Variants in CSMD1 observed in about 807,000 individuals in gnomAD.
The protein encoded by CSMD1 is CUB and Sushi multiple domains 1.
In CSMD1, 213 loss-of-function variants were observed where a neutral mutation model predicts 417.5. The observed-to-expected ratio is 0.51, with a 90% CI of 0.46 to 0.57. The LOEUF (loss-of-function observed/expected upper bound fraction) is 0.57, where lower values mean the gene tolerates loss of function less well. Among genes scored for constraint, CSMD1 ranks in the 20% least tolerant of loss-of-function variants. CSMD1 has a pLI of 0.00. For synonymous variants in CSMD1, 2,862 were observed against 1,736.8 expected (o/e 1.65, Z -16.11); for missense variants, 6,923 against 4,529.7 (o/e 1.53, Z -15.17).
chr8:4,010,524 T>C (rs774763683), intron 4 of CSMD1, among the ~76,000 whole-genome samples: 7 of 152,102 alleles, frequency 4.6e-5, no homozygotes, highest in Non-Finnish European at 1.0e-4. Flanking sequence ...GCCATCACCA[T>C]TCCCATCATC....
intron 10 of CSMD1, among the ~76,000 whole-genome samples, chr8:3,573,840 T>C (rs1475275767): frequency 5.3e-5 from 2 of 37,810 alleles, no homozygotes; most frequent in African/African-American, 2.0e-4. Context: ...ATTTTAATAT[T>C]ACATAATTTA....
chr8:4,966,647 G>A (rs1459123185), intron 1 of CSMD1, among the ~76,000 whole-genome samples: 6 of 152,036 alleles, frequency 3.9e-5, no homozygotes, highest in Non-Finnish European at 7.4e-5. Context: ...ACAGAAGGAT[G>A]GTGATGAAAT....
At chr8:3,177,917 TTAGAA>T (rs1289305748) in intron 37 of CSMD1, among the ~76,000 whole-genome samples, 6 of 152,218 alleles carry the variant, frequency 3.9e-5, no homozygotes, top group Non-Finnish European at 2.9e-5. Flanking sequence ...TTGGTTTTCT[TTAGAA>T]AAGAACGCAG....
At chr8:3,656,100 C>T (rs1005714505) in intron 7 of CSMD1, among the ~76,000 whole-genome samples, 2 of 152,136 alleles carry the variant, frequency 1.3e-5, no homozygotes, top group Admixed American at 6.5e-5. Context: ...CAGATGCTAC[C>T]AGAAGATCAT....
Position 4,818,445 on chromosome 8 carries a change from A to C in CSMD1, c.85+175887T>G, listed in dbSNP as rs538383748. On this transcript the variant is annotated intron_variant, in intron 1 of 69. Transcript: ENST00000635120. The stretch of plus-strand genomic sequence containing the variant: ...TAACATTCTGATTACAAGAGAGCTC[A>C]GTAAATCCAAACTTAAATTCAACCT... Among the ~76,000 whole-genome samples, 18 of 152,354 alleles carry C rather than the reference A, an allele frequency of 1.2e-4. No individual in the cohort carries two copies. In the South Asian group the frequency reaches 3.3e-3, roughly 28 times the overall value.
chr8:3,076,203 G>A (rs1813669283), intron 49 of CSMD1, among the ~76,000 whole-genome samples: 1 of 152,214 alleles, frequency 6.6e-6, no homozygotes, highest in African/African-American at 2.4e-5. Flanking sequence ...CACCGCAGGT[G>A]TCGGCGGGGC....
intron 5 of CSMD1, among the ~76,000 whole-genome samples, chr8:3,836,535 C>A (rs376130637): frequency 3.2e-4 from 48 of 152,176 alleles, no homozygotes; most frequent in African/African-American, 1.1e-3. Context: ...AGAGCAAGAA[C>A]TAGGATGGAG....
chr8:3,516,112 C>G (rs1290542980), intron 10 of CSMD1, among the ~76,000 whole-genome samples: 2 of 152,144 alleles, frequency 1.3e-5, no homozygotes, highest in Admixed American at 1.3e-4. Context: ...TGTGGTCTCA[C>G]AGAAAGAGGA....
In CSMD1 at chr8:4,168,146, T is replaced by TAC. The variant is rs34184056; in HGVS notation, c.416-136049_416-136048dup. The stretch of plus-strand genomic sequence containing the variant: ...TCTGTCTCAAAAATAAAAAAAAATA[T>TAC]ACACACACACACACACACACACACA... On this transcript the variant is annotated intron_variant, in intron 3 of 69. Coordinates refer to ENST00000635120, the MANE Select transcript of CSMD1 (RefSeq NM_033225.6). Among the ~76,000 whole-genome samples the TAC allele has an allele frequency of 8.6e-3, 1,288 of 149,454 alleles. 21 individuals are homozygous for TAC. The highest frequency in any genetic ancestry group is 0.027 in the African/African-American group (1,081 of 40,388).
intron 3 of CSMD1, among the ~76,000 whole-genome samples, chr8:4,383,127 C>G (rs1053267024): frequency 5.3e-5 from 8 of 152,140 alleles, no homozygotes; most frequent in Non-Finnish European, 1.2e-4. Context: ...GTGTATTAAA[C>G]TAAGCAACTT....
chr8:3,807,831 A>G (rs1000326313), intron 5 of CSMD1, among the ~76,000 whole-genome samples: 2 of 152,154 alleles, frequency 1.3e-5, no homozygotes, highest in East Asian at 1.9e-4. Context: ...ATCCTAGCAC[A>G]TTTACAAATG....
chr8:4,228,436 C>T lies in CSMD1; in HGVS notation c.415+191517G>A, dbSNP rs1438967932. Reference sequence around the variant, plus strand: ...CTGAATTTAAGCAGCAGCACCTACACTCATCTCAGGTCACCTGAAAGCAGC... The same window carrying T: ...CTGAATTTAAGCAGCAGCACCTACATTCATCTCAGGTCACCTGAAAGCAGC... On this transcript the variant is annotated intron_variant, in intron 3 of 69. Coordinates refer to ENST00000635120, the MANE Select transcript of CSMD1 (RefSeq NM_033225.6). Among the ~76,000 whole-genome samples the T allele has an allele frequency of 2.6e-5, 4 of 152,118 alleles. No individual in the cohort carries two copies. In the East Asian group the frequency reaches 7.7e-4, roughly 29 times the overall value.
intron 25 of CSMD1, among the ~76,000 whole-genome samples, chr8:3,307,043 T>C (rs894682279): frequency 1.3e-5 from 2 of 152,276 alleles, no homozygotes; most frequent in East Asian, 1.9e-4. Context: ...AATTGCAAAA[T>C]GACACACATT....
At chr8:3,812,590 T>C (rs1460193069) in intron 5 of CSMD1, among the ~76,000 whole-genome samples, 1 of 152,192 alleles carries the variant, frequency 6.6e-6, no homozygotes, top group Non-Finnish European at 1.5e-5. Flanking sequence ...AATAAATACT[T>C]ACGCTATAAA....
At chr8:4,360,214 G>A (rs994702343) in intron 3 of CSMD1, among the ~76,000 whole-genome samples, 1 of 152,020 alleles carries the variant, frequency 6.6e-6, no homozygotes, top group Non-Finnish European at 1.5e-5. Flanking sequence ...CCATTTTAGG[G>A]GGTAACCCTT....
At chr8:4,160,708 C>A (rs1270830699) in intron 3 of CSMD1, among the ~76,000 whole-genome samples, 1 of 152,212 alleles carries the variant, frequency 6.6e-6, no homozygotes, top group Admixed American at 6.5e-5. Context: ...TTCACTCTTG[C>A]CTTGTGGCAA....
intron 20 of CSMD1, among the ~76,000 whole-genome samples, chr8:3,365,969 G>C (rs1293058688): frequency 1.3e-5 from 2 of 152,158 alleles, no homozygotes; most frequent in African/African-American, 4.8e-5. Flanking sequence ...GTTTTGGTTT[G>C]GGAGATAAGA....
At chr8:3,541,394 G>C (rs531493793) in intron 10 of CSMD1, among the ~76,000 whole-genome samples, 1 of 152,226 alleles carries the variant, frequency 6.6e-6, no homozygotes, top group East Asian at 1.9e-4. Context: ...TGGGGAGGGA[G>C]AGCATCAGGA....
intron 10 of CSMD1, among the ~76,000 whole-genome samples, chr8:3,530,781 G>A (rs1797947186): frequency 6.6e-6 from 1 of 151,848 alleles, no homozygotes; most frequent in South Asian, 2.1e-4. Flanking sequence ...CTCCTGCCTT[G>A]GCCTCCCAAA....
Sources: gnomAD v4.1 joint callset for allele counts (sites outside exome capture counted in the v4.1 genomes callset) on GRCh38, gnomAD v4.1.1 for gene constraint, MANE v1.5 for transcripts, NCBI Gene and HGNC (gene_info 2026-07-23, HGNC 2026-07-21) for gene names.